The following ABR variants were observed in gnomAD, a reference collection of about 807,000 sequenced individuals.
ABR encodes the protein ABR activator of RhoGEF and GTPase.
In ABR, 35 loss-of-function variants were observed where a neutral mutation model predicts 107.2. The observed-to-expected ratio is 0.33, with a 90% confidence interval of 0.25 to 0.43. ABR has a LOEUF of 0.43. Among genes scored for constraint, ABR ranks in the 20% least tolerant of loss-of-function variants. ABR has a pLI of 1.00. For missense variants in ABR, 815 were observed against 1,115.2 expected (o/e 0.73, Z 3.83); for synonymous variants, 498 against 462.0 (o/e 1.08, Z -1.00).
At chr17:1,062,960 C>T (rs879128709) in intron 10 of ABR, among the ~76,000 whole-genome samples, 4 of 126,938 alleles carry the variant, frequency 3.2e-5, no homozygotes, top group African/African-American at 6.0e-5. Context: ...CTAGATGCTG[C>T]TGTTATGTGA....
intron 16 of ABR, among the ~76,000 whole-genome samples, chr17:1,028,703 G>A (rs1317219004): frequency 6.6e-6 from 1 of 152,202 alleles, no homozygotes; most frequent in Non-Finnish European, 1.5e-5. Flanking sequence ...CCACATGGCT[G>A]TGCTTCAGGG....
At chr17:1,034,922 A>G (rs75226804) in intron 16 of ABR, among the ~76,000 whole-genome samples, 1,537 of 152,190 alleles carry the variant, frequency 0.01, 22 homozygotes, top group African/African-American at 0.035. Flanking sequence ...CATCTGTCTT[A>G]GGTACCACAG....
chr17:1,057,280 C>A (rs1468228713), intron 12 of ABR, among the ~76,000 whole-genome samples, 178 bp from the exon 13 acceptor site: 3 of 137,288 alleles, frequency 2.2e-5, no homozygotes, highest in Non-Finnish European at 3.1e-5. Context: ...CGAGAGGGGT[C>A]AGAGTAGGAG....
chr17:1,187,702 C>A (rs887837349), upstream of ABR, among the ~76,000 whole-genome samples: 1 of 147,932 alleles, frequency 6.8e-6, no homozygotes, highest in Admixed American at 6.7e-5. Flanking sequence ...CCAGCCTGGC[C>A]AATATGGTGT....
rs1399874464 is a variant in ABR at position 1,210,847 on chromosome 17, T to G, written c.838+17946A>C. Among the ~76,000 whole-genome samples the G allele has an allele frequency of 1.3e-5, 2 of 152,174 alleles. No individual in the cohort carries two copies. Among genetic ancestry groups the G allele is most frequent in the African/African-American group, 4.8e-5 (2 of 41,428 alleles). ...TTTTTGCATCCTTTTAACATCAACCTGTAGGGCCAGATGGACGGAAAGGGC... is the reference window on the plus strand; with the variant it reads ...TTTTTGCATCCTTTTAACATCAACCGGTAGGGCCAGATGGACGGAAAGGGC... On this transcript the variant is annotated intron_variant, in intron 1 of 22. Transcript: ENST00000574139. The surrounding 1 kb of genome is among the most constrained non-coding windows in gnomAD (Gnocchi z 5.6).
rs781553328 is a variant in ABR at position 1,223,724 on chromosome 17, G to A, written c.838+5069C>T. On this transcript the variant is annotated intron_variant, in intron 1 of 22. Coordinates refer to the ABR transcript ENST00000574139. Reference sequence around the variant, plus strand: ...AGGCCTCAGGAAACTTACAATCACCGCGGAAGGCAAAGGAAAAGCAACCAC... The same window carrying A: ...AGGCCTCAGGAAACTTACAATCACCACGGAAGGCAAAGGAAAAGCAACCAC... Among the ~76,000 whole-genome samples, 20 of 152,112 alleles carry A rather than the reference G, an allele frequency of 1.3e-4. No individual in the cohort carries two copies. In the East Asian group the frequency reaches 1.3e-3, roughly 10 times the overall value.
At chr17:1,031,927 G>A in intron 16 of ABR, 2 of 866,102 alleles carry the variant, frequency 2.3e-6, no homozygotes, top group Non-Finnish European at 2.8e-6. Flanking sequence ...TCCCTCCTCC[G>A]CATCCCTCCT....
chr17:1,057,131 C>T (rs1278599631), intron 12 of ABR, 29 bp from the exon 13 acceptor site: 6 of 1,493,846 alleles, frequency 4.0e-6, no homozygotes, highest in Admixed American at 1.7e-5. Context: ...GAGAAGGGAG[C>T]GTGGGCACTG....
rs1383594036 is a variant in ABR, at chr17:1,004,514, G to A, written c.*1566C>T. 1 of 152,678 alleles carries A rather than the reference G, an allele frequency of 6.5e-6. No homozygotes were observed. The highest frequency in any genetic ancestry group is 2.4e-5 in the African/African-American group (1 of 41,476). 9.5% of individuals were successfully genotyped at this position (152,678 alleles called of 1,614,324 possible). ...CGACGCTCTGCCACACAGAAGAGCC[G>A]GGGAGCTGTAACTGGCTATAAGTCG... On this transcript the variant is annotated 3_prime_UTR_variant, in exon 23 of 23. Coordinates refer to ENST00000302538, the MANE Select transcript of ABR (RefSeq NM_021962.5).
At chr17:1,146,671 CCACCACTGCCACACGA>C (rs1345394161) in intron 1 of ABR, among the ~76,000 whole-genome samples, 8 of 138,534 alleles carry the variant, frequency 5.8e-5, no homozygotes, top group African/African-American at 1.1e-4. Flanking sequence ...TGCCACCAGG[CCACCACTGCCACACGA>C]CACCACTGCC....
rs2040536547 is a variant in ABR at position 1,146,607 on chromosome 17, C to CACATGACACCACTGCCACCATTGCT, written c.62-21241_62-21240insAGCAATGGTGGCAGTGGTGTCATGT. Among the ~76,000 whole-genome samples the CACATGACACCACTGCCACCATTGCT allele has an allele frequency of 3.5e-3, 526 of 151,402 alleles. 24 individuals carry two copies. The East Asian group carries it at 0.09, about 26-fold the overall frequency. ...ACACCTGCCACCATGCCACCACTGC[C>CACATGACACCACTGCCACCATTGCT]ACATGACACCACTGCCACCACTGCC... On this transcript the variant is annotated intron_variant, in intron 1 of 22. Coordinates refer to ENST00000302538, the MANE Select transcript of ABR (RefSeq NM_021962.5).
At chr17:1,097,590 C>CAAAAA (rs57256346) in intron 3 of ABR, among the ~76,000 whole-genome samples, 2 of 104,752 alleles carry the variant, frequency 1.9e-5, no homozygotes, top group Non-Finnish European at 3.7e-5. Flanking sequence ...GACTCCGTCT[C>CAAAAA]AAAAAAAAAA....
chr17:1,177,664 A>C (rs2151620590), intron 1 of ABR, among the ~76,000 whole-genome samples: 1 of 152,334 alleles, frequency 6.6e-6, no homozygotes, highest in South Asian at 2.1e-4. Flanking sequence ...ACAGGGTTCC[A>C]TACGATTCCA....
intron 16 of ABR, chr17:1,031,892 C>A: frequency 3.6e-6 from 4 of 1,103,070 alleles, no homozygotes; most frequent in Non-Finnish European, 4.5e-6. Flanking sequence ...CCCTCCCTCC[C>A]TCCGTCCGCG....
chr17:1,114,225 T>A (rs2038876296), intron 2 of ABR, among the ~76,000 whole-genome samples: 2 of 147,836 alleles, frequency 1.4e-5, no homozygotes, highest in African/African-American at 5.0e-5. Flanking sequence ...AATCCCGCAC[T>A]TTGGGAGGCC....
At position 1,050,247 on chromosome 17, in the gene ABR, G is replaced by A. The variant is rs918544044; in HGVS notation, c.1660-66C>T. 1.0e-5 allele frequency: 16 copies of A among 1,553,146 alleles called. 1 individual carries two copies. Among genetic ancestry groups the A allele is most frequent in the African/African-American group, 1.4e-5 (1 of 73,208 alleles). ...TGGGAGGCCTGGCTTTCCGGCAGGT[G>A]CGTGCCTCAGCTTTGCAAGGAGGAG... On this transcript the variant is annotated intron_variant, in intron 15 of 22. Coordinates refer to ENST00000302538, the MANE Select transcript of ABR (RefSeq NM_021962.5). This position sits in a 1 kb window ranked among gnomAD's most constrained non-coding sequence, Gnocchi z 4.6.
intron 1 of ABR, among the ~76,000 whole-genome samples, chr17:1,137,340 G>A (rs924228055): frequency 6.6e-6 from 1 of 152,072 alleles, no homozygotes; most frequent in Non-Finnish European, 1.5e-5. Flanking sequence ...CCGAGCCCGG[G>A]CTAAACTGAA....
chr17:1,087,899 CG>C (rs2036727501), intron 4 of ABR, among the ~76,000 whole-genome samples: 1 of 152,156 alleles, frequency 6.6e-6, no homozygotes, highest in South Asian at 2.1e-4. Context: ...CGGTAGGGCC[CG>C]AGGCCTGGCT....
chr17:1,062,550 G>C (rs2034127155), intron 10 of ABR, among the ~76,000 whole-genome samples: 1 of 138,144 alleles, frequency 7.2e-6, no homozygotes, highest in Non-Finnish European at 1.6e-5. Flanking sequence ...TATGTGAACT[G>C]AGGGCTATGC....
Sources: gnomAD v4.1 joint callset for allele counts (sites outside exome capture counted in the v4.1 genomes callset) on GRCh38, gnomAD v4.1.1 for gene constraint, Gnocchi (gnomAD v3.1) non-coding constraint, MANE v1.5 for transcripts, NCBI Gene and HGNC (gene_info 2026-07-23, HGNC 2026-07-21) for gene names.